Variants in SLC4A4 observed in about 807,000 individuals in gnomAD.
The protein encoded by SLC4A4 is electrogenic sodium bicarbonate cotransporter 1.
A neutral mutation model predicts 111.5 loss-of-function variants in SLC4A4; 27 were observed. That is an observed-to-expected ratio of 0.24 (90% CI 0.18 to 0.33). SLC4A4 has a LOEUF of 0.33. SLC4A4 is among the 10% of genes least tolerant of loss of function. The pLI is 1.00. For synonymous variants in SLC4A4, 443 were observed against 463.4 expected, an observed-to-expected ratio of 0.96 and a Z score of 0.57; for missense variants, 909 against 1,315.5, an observed-to-expected ratio of 0.69 and a Z score of 4.78.
At chr4:71,331,613 G>A (rs1728000804) in intron 3 of SLC4A4, among the ~76,000 whole-genome samples, 1 of 151,408 alleles carries the variant, frequency 6.6e-6, no homozygotes, top group African/African-American at 2.4e-5. Context: ...GATAGCATTA[G>A]GAGATATACC....
At chr4:71,234,346 T>A (rs1402087709) in intron 1 of SLC4A4, among the ~76,000 whole-genome samples, 1 of 152,274 alleles carries the variant, frequency 6.6e-6, no homozygotes, top group Non-Finnish European at 1.5e-5. Flanking sequence ...AAATATTTGC[T>A]GAACCAGTGA....
chr4:71,380,892 G>A (rs1718075389), intron 6 of SLC4A4, among the ~76,000 whole-genome samples: 1 of 152,126 alleles, frequency 6.6e-6, no homozygotes, highest in South Asian at 2.1e-4. Flanking sequence ...ACACTGATGA[G>A]TCAGTATTTT....
intron 16 of SLC4A4, among the ~76,000 whole-genome samples, chr4:71,514,687 T>C (rs1732221215): frequency 6.6e-6 from 1 of 152,190 alleles, no homozygotes; most frequent in South Asian, 2.1e-4. Context: ...GATGGATCTT[T>C]TGAGATTTTC....
intron 3 of SLC4A4, among the ~76,000 whole-genome samples, chr4:71,312,828 C>T (rs1000148683): frequency 6.6e-6 from 1 of 152,164 alleles, no homozygotes; most frequent in Non-Finnish European, 1.5e-5. Context: ...ACTGAATGGG[C>T]AAAAGCTGGA....
chr4:71,281,924 CT>C (rs765763593), intron 3 of SLC4A4, among the ~76,000 whole-genome samples: 660 of 136,522 alleles, frequency 4.8e-3, no homozygotes, highest in Non-Finnish European at 5.6e-3. Context: ...TTTTCTCTTT[CT>C]TTTTTTTTTT....
intron 3 of SLC4A4, among the ~76,000 whole-genome samples, chr4:71,309,940 A>G (rs1409213589): frequency 6.6e-6 from 1 of 152,048 alleles, no homozygotes; most frequent in East Asian, 1.9e-4. Context: ...CCTTGACAAA[A>G]GGTTACAGGA....
At chr4:71,469,103 G>C (rs914926090) in intron 13 of SLC4A4, among the ~76,000 whole-genome samples, 8 of 151,914 alleles carry the variant, frequency 5.3e-5, no homozygotes, top group Admixed American at 2.0e-4. Flanking sequence ...GATACTTGTA[G>C]TTTTATTTCC....
intron 2 of SLC4A4, among the ~76,000 whole-genome samples, chr4:71,144,662 C>T (rs1402937095): frequency 1.3e-5 from 2 of 151,656 alleles, no homozygotes; most frequent in African/African-American, 2.4e-5. Flanking sequence ...AGGTCCTTCA[C>T]ATCCCTTGTA....
chr4:71,535,808 C>T (rs561534003), intron 18 of SLC4A4, among the ~76,000 whole-genome samples: 2 of 151,736 alleles, frequency 1.3e-5, no homozygotes, highest in East Asian at 2.0e-4. Context: ...TCATAAAGCA[C>T]GAAAACAAGT....
intron 6 of SLC4A4, among the ~76,000 whole-genome samples, chr4:71,376,570 T>A (rs188097902): frequency 1.1e-4 from 16 of 148,130 alleles, no homozygotes; most frequent in Non-Finnish European, 2.2e-4. Flanking sequence ...TGTCATTTAA[T>A]CATATATATA....
chr4:71,361,242 G>A (rs966925279), intron 6 of SLC4A4, among the ~76,000 whole-genome samples: 5 of 152,144 alleles, frequency 3.3e-5, no homozygotes, highest in Non-Finnish European at 5.9e-5. Context: ...CCTGGTAACC[G>A]GTTTTCAAAC....
rs893799538 is a variant in SLC4A4, at chr4:71,570,552, G to T, written c.*2801G>T. ...GGTGGTTTTGTTTCTATGCAAACTG[G>T]ACACAAATTACAACAGTAAATTTTT... On this transcript the variant is annotated 3_prime_UTR_variant, in exon 26 of 26. Coordinates refer to ENST00000264485, the MANE Select transcript of SLC4A4 (RefSeq NM_001098484.3). 1 of 152,144 alleles carries T rather than the reference G, an allele frequency of 6.6e-6. No individual in the cohort carries two copies. The highest frequency in any genetic ancestry group is 1.5e-5 in the Non-Finnish European group (1 of 67,826). 9.4% of individuals were successfully genotyped at this position (152,144 alleles called of 1,614,324 possible).
intron 12 of SLC4A4, among the ~76,000 whole-genome samples, chr4:71,460,416 C>T (rs1726708642): frequency 6.6e-6 from 1 of 152,136 alleles, no homozygotes; most frequent in Non-Finnish European, 1.5e-5. Flanking sequence ...TCTTGCTCAT[C>T]CAGCCTATTA....
intron 1 of SLC4A4, among the ~76,000 whole-genome samples, chr4:71,202,631 A>AT (rs1395553488): frequency 3.9e-5 from 6 of 152,078 alleles, no homozygotes; most frequent in South Asian, 2.1e-4. Context: ...TTCTTTGAAA[A>AT]TTTTTTTTAA....
At chr4:71,550,559 A>AATT (rs1735897253) in intron 20 of SLC4A4, among the ~76,000 whole-genome samples, 1 of 151,910 alleles carries the variant, frequency 6.6e-6, no homozygotes, top group Non-Finnish European at 1.5e-5. Context: ...CCCCTTTGTG[A>AATT]CTATGTGTTT....
At chr4:71,090,204 G>T (rs1331596734) in intron 1 of SLC4A4, among the ~76,000 whole-genome samples, 1 of 152,192 alleles carries the variant, frequency 6.6e-6, no homozygotes, top group African/African-American at 2.4e-5. Context: ...CCAGGTGTGG[G>T]ATATAATCTC....
chr4:71,142,584 G>A (rs1744029825), intron 2 of SLC4A4, among the ~76,000 whole-genome samples: 1 of 152,048 alleles, frequency 6.6e-6, no homozygotes, highest in Admixed American at 6.6e-5. Flanking sequence ...TCAATGTCAG[G>A]TATCCAGTAA....
chr4:71,340,658 G>C (rs1728836279), intron 4 of SLC4A4, among the ~76,000 whole-genome samples: 1 of 152,092 alleles, frequency 6.6e-6, no homozygotes, highest in Non-Finnish European at 1.5e-5. Flanking sequence ...TCTGAGTTTG[G>C]AGTTTAGAGG....
At chr4:71,283,932 T>A (rs1240801825) in intron 3 of SLC4A4, among the ~76,000 whole-genome samples, 1 of 152,074 alleles carries the variant, frequency 6.6e-6, no homozygotes, top group Non-Finnish European at 1.5e-5. Context: ...ATGAGGAGAG[T>A]GAACAATCAT....
Sources: allele counts gnomAD v4.1 joint callset (sites outside exome capture counted in the v4.1 genomes callset), GRCh38; gene constraint gnomAD v4.1.1; transcripts MANE v1.5; gene names NCBI Gene and HGNC (gene_info 2026-07-23, HGNC 2026-07-21).